Variants in DLG2 observed in about 807,000 individuals in gnomAD.
The protein encoded by DLG2 is disks large homolog 2.
DLG2 carries 45 observed loss-of-function variants against 132.5 expected under a neutral mutation model. That is an observed-to-expected ratio of 0.34 (90% CI 0.27 to 0.44). The LOEUF (loss-of-function observed/expected upper bound fraction) is 0.44. Among genes scored for constraint, DLG2 ranks in the 20% least tolerant of loss-of-function variants. The probability of loss-of-function intolerance (pLI) is 1.00; values close to 1 mark genes in which losing one functional copy is unlikely to be tolerated. For synonymous variants in DLG2, 424 were observed against 419.6 expected (o/e 1.01, Z -0.13); for missense variants, 1,045 against 1,196.9 (o/e 0.87, Z 1.87).
At chr11:84,547,104 T>C (rs1291287049) in intron 6 of DLG2, among the ~76,000 whole-genome samples, 1 of 152,106 alleles carries the variant, frequency 6.6e-6, no homozygotes, top group Non-Finnish European at 1.5e-5. Context: ...TCACAAGATT[T>C]TTTAGAAAGC....
chr11:84,913,014 G>A (rs922810038), intron 6 of DLG2, among the ~76,000 whole-genome samples: 3 of 152,160 alleles, frequency 2.0e-5, no homozygotes, highest in African/African-American at 7.2e-5. Flanking sequence ...GAAAAAATGA[G>A]AGCCTCCACT....
chr11:84,579,633 T>C (rs2099511748), intron 6 of DLG2, among the ~76,000 whole-genome samples: 1 of 152,096 alleles, frequency 6.6e-6, no homozygotes, highest in Non-Finnish European at 1.5e-5. Flanking sequence ...GGTGAATCTG[T>C]GGGATATGGA....
Position 84,040,696 on chromosome 11 carries a change from T to C in DLG2, c.919+18619A>G, listed in dbSNP as rs1341256195. Among the ~76,000 whole-genome samples the C allele has an allele frequency of 5.5e-3, 824 of 150,576 alleles. 7 individuals are homozygous for C. The highest frequency in any genetic ancestry group is 0.019 in the African/African-American group (789 of 41,274). On this transcript the variant is annotated intron_variant, in intron 11 of 27. Coordinates refer to ENST00000376104, the MANE Select transcript of DLG2 (RefSeq NM_001142699.3). ...TTCTTTTGGCTTAGGATTGCCTTGG[T>C]GATGCGGGCTCTTTTTTGGTTCCAT...
chr11:84,197,546 C>A (rs540372249), intron 8 of DLG2, among the ~76,000 whole-genome samples: 3 of 152,074 alleles, frequency 2.0e-5, no homozygotes, highest in Non-Finnish European at 2.9e-5. Context: ...ACTAAAAAAG[C>A]CTCCAAAGAG....
chr11:84,588,592 G>C (rs1003934558), intron 6 of DLG2, among the ~76,000 whole-genome samples: 6 of 151,992 alleles, frequency 3.9e-5, no homozygotes, highest in Admixed American at 2.0e-4. Context: ...TTGAATACAG[G>C]CTGGCTAAAA....
chr11:84,289,426 C>CA (rs907936167), intron 7 of DLG2, among the ~76,000 whole-genome samples: 5 of 151,768 alleles, frequency 3.3e-5, no homozygotes, highest in Non-Finnish European at 7.4e-5. Context: ...AGTGAGGGAT[C>CA]AAAAAATAAT....
chr11:85,420,543 C>T (rs2090210889), intron 3 of DLG2, among the ~76,000 whole-genome samples: 1 of 152,194 alleles, frequency 6.6e-6, no homozygotes, highest in African/African-American at 2.4e-5. Context: ...CCCCCCTTCC[C>T]CCAGGTGCTC....
At chr11:83,773,498 C>G (rs1431737827) in intron 18 of DLG2, among the ~76,000 whole-genome samples, 1 of 152,158 alleles carries the variant, frequency 6.6e-6, no homozygotes. Context: ...CTTTCATGCA[C>G]CAAACAACCA....
At chr11:83,705,941 G>A (rs918815551) in intron 18 of DLG2, among the ~76,000 whole-genome samples, 3 of 152,130 alleles carry the variant, frequency 2.0e-5, no homozygotes, top group East Asian at 1.9e-4. Flanking sequence ...AAACTAGGCC[G>A]GGCGTGGTGG....
intron 6 of DLG2, among the ~76,000 whole-genome samples, chr11:84,921,716 G>A (rs922520973): frequency 6.6e-6 from 1 of 151,874 alleles, no homozygotes; most frequent in Non-Finnish European, 1.5e-5. Context: ...AAAAGATGAG[G>A]AGGGAAAACA....
intron 6 of DLG2, among the ~76,000 whole-genome samples, chr11:84,938,061 T>C (rs1204609157): frequency 6.6e-6 from 1 of 152,200 alleles, no homozygotes; most frequent in Non-Finnish European, 1.5e-5. Context: ...AAATACTGTG[T>C]GGCTTTTTAA....
chr11:83,916,561 C>T (rs1293949126), intron 15 of DLG2, among the ~76,000 whole-genome samples: 1 of 152,158 alleles, frequency 6.6e-6, no homozygotes, highest in Non-Finnish European at 1.5e-5. Context: ...AGTGATCTGT[C>T]CACCTCGGCC....
chr11:84,111,097 T>G (rs2093326322), intron 9 of DLG2, among the ~76,000 whole-genome samples: 1 of 152,174 alleles, frequency 6.6e-6, no homozygotes, highest in African/African-American at 2.4e-5. Context: ...GTTTATATGT[T>G]TATTTTCCCT....
intron 3 of DLG2, among the ~76,000 whole-genome samples, chr11:85,374,871 G>C (rs543491792): frequency 6.6e-6 from 1 of 152,244 alleles, no homozygotes; most frequent in African/African-American, 2.4e-5. Flanking sequence ...TTGAGGTTCT[G>C]TCAGAGACTA....
chr11:85,239,576 C>T (rs938481938), intron 4 of DLG2, among the ~76,000 whole-genome samples: 19 of 151,942 alleles, frequency 1.3e-4, no homozygotes, highest in African/African-American at 4.6e-4. Flanking sequence ...TATAAGTGGA[C>T]TCATGCAGTG....
intron 11 of DLG2, among the ~76,000 whole-genome samples, chr11:84,005,203 A>G (rs909703667): frequency 1.3e-5 from 2 of 152,026 alleles, no homozygotes; most frequent in African/African-American, 4.8e-5. Context: ...CCACATGTTT[A>G]TAGCCAACTG....
chr11:84,646,842 G>T (rs1409902018), intron 6 of DLG2, among the ~76,000 whole-genome samples: 1 of 152,144 alleles, frequency 6.6e-6, no homozygotes, highest in East Asian at 1.9e-4. Context: ...GCTGGACCCT[G>T]AAATGAAAAA....
At chr11:83,681,504 G>C (rs780070253) in intron 18 of DLG2, among the ~76,000 whole-genome samples, 3 of 152,194 alleles carry the variant, frequency 2.0e-5, no homozygotes, top group Non-Finnish European at 4.4e-5. Flanking sequence ...ACGTCGTACA[G>C]CTCTTTCCAT....
chr11:84,955,119 A>G (rs2051472116), intron 6 of DLG2, among the ~76,000 whole-genome samples: 1 of 152,214 alleles, frequency 6.6e-6, no homozygotes, highest in Admixed American at 6.5e-5. Context: ...TATGGACTGT[A>G]GCTTGCAGAC....
Sources: allele counts gnomAD v4.1 joint callset (sites outside exome capture counted in the v4.1 genomes callset), GRCh38; gene constraint gnomAD v4.1.1; transcripts MANE v1.5; gene names NCBI Gene and HGNC (gene_info 2026-07-23, HGNC 2026-07-21).